CCDC17: variants seen among roughly 807,000 people sequenced by gnomAD.
The protein encoded by CCDC17 is coiled-coil domain-containing protein 17.
CCDC17 carries 79 observed loss-of-function variants against 68.0 expected under a neutral mutation model. That is an observed-to-expected ratio of 1.16 (90% CI 0.97 to 1.40). The LOEUF (loss-of-function observed/expected upper bound fraction) is 1.40. Ranked by LOEUF, CCDC17 falls within the 40% of genes most tolerant of loss-of-function variation. The pLI is 0.00. For synonymous variants in CCDC17, 376 were observed against 337.5 expected, an observed-to-expected ratio of 1.11 and a Z score of -1.25; for missense variants, 846 against 811.5, an observed-to-expected ratio of 1.04 and a Z score of -0.52.
At position 45,622,303 on chromosome 1, in the gene CCDC17, T is replaced by G; in HGVS notation, c.905A>C (p.Glu302Ala). ...TSGELPVVEA[E>A]NRRLEAEILA... ...GATTTCTGCCTCCAAGCGCCGGTTT[T>G]CAGCCTCCACTACTGGAAGCTCCCC... is the stretch of plus-strand genomic sequence containing the variant. Residue 302 changes from glutamate to alanine, a missense_variant, in exon 7 of 13, where the codon GAA becomes GCA. Glu to Ala is a moderately radical substitution (Grantham distance 107). Transcript: ENST00000528266. 1 of 1,612,360 alleles carries G rather than the reference T, an allele frequency of 6.2e-7. No homozygotes were observed. Among genetic ancestry groups the G allele is most frequent in the Non-Finnish European group, 8.5e-7 (1 of 1,179,298 alleles).
chr1:45,622,484 C>CCCT, intron 6 of CCDC17, 65 bp downstream of exon 6: 1 of 1,499,772 alleles, frequency 6.7e-7, no homozygotes. Context: ...CAGCCACAGG[C>CCCT]CCTCCCTCGA....
Position 45,623,019 on chromosome 1 carries a change from C to T in CCDC17, c.592G>A (p.Gly198Arg), listed in dbSNP as rs774726919. ...QEIRELQAEAGRTRGALEVLG... is the reference protein window; with the variant it reads ...QEIRELQAEARRTRGALEVLG... ...ACCTCTAGAGCTCCCCGCGTCCTCCCGGCCTCAGCTTGTAGTTCTCGAATC... is the reference window on the plus strand; with the variant it reads ...ACCTCTAGAGCTCCCCGCGTCCTCCTGGCCTCAGCTTGTAGTTCTCGAATC... The change falls in exon 4 of 13, where the codon GGG (glycine) becomes AGG (arginine). Residue 198 changes from glycine (G) to arginine (R), a missense_variant. By Grantham distance (125) the Gly-to-Arg change is moderately radical. Transcript: ENST00000528266. The T allele has an allele frequency of 6.8e-6, 11 of 1,612,812 alleles. No individual in the cohort carries two copies. Among genetic ancestry groups the T allele is most frequent in the Admixed American group, 1.7e-5 (1 of 59,918 alleles).
Position 45,621,392 on chromosome 1 carries a change from C to T in CCDC17, c.1277G>A (p.Arg426Gln), listed in dbSNP as rs756073933. The T allele has an allele frequency of 1.4e-5, 23 of 1,594,626 alleles. No individual in the cohort carries two copies. The highest frequency in any genetic ancestry group is 7.0e-5 in the Admixed American group (4 of 56,820). ...CAACGCTGTGGTCCTTCCTGTATCC[C>T]GTCCATCGCGTGCCAAGCCAGTCCT... ...QLRTGLARDGRDTGRTTALPP... is the reference protein window; with the variant it reads ...QLRTGLARDGQDTGRTTALPP... Residue 426 changes from arginine (R) to glutamine (Q), a missense_variant, in exon 10 of 13, where the codon CGG becomes CAG. Arg to Gln is a conservative substitution (Grantham distance 43). Transcript: ENST00000528266.
In CCDC17 at chr1:45,621,319, G is replaced by T; in HGVS notation, c.1350C>A (p.Gly450=). 6.3e-7 allele frequency: 1 copy of T among 1,586,932 alleles called. No homozygotes were observed. Reference sequence around the variant, plus strand: ...GCCTGCTGGCAAGGATGGCACAGTTGCCCATGGGCCCGGGAGCAGGAGGTG... The same window carrying T: ...GCCTGCTGGCAAGGATGGCACAGTTTCCCATGGGCCCGGGAGCAGGAGGTG... The part of the protein sequence containing the change: ...LPPPPAPGPM[G]NCAILASRQP... The change falls in exon 10 of 13, where the codon GGC becomes GGA. Residue 450 remains glycine, a synonymous_variant. Transcript: ENST00000528266.
chr1:45,621,170 C>CTTAG (rs1553174903), intron 10 of CCDC17, 57 bp from the exon 11 acceptor site: 1 of 1,585,152 alleles, frequency 6.3e-7, no homozygotes, highest in Non-Finnish European at 8.6e-7. Flanking sequence ...CTTTCTAGGA[C>CTTAG]TTAGCCCTTT....
Position 45,620,746 on chromosome 1 carries a change from G to T in CCDC17, c.1687C>A (p.His563Asn). 6.2e-7 allele frequency: 1 copy of T among 1,607,610 alleles called. No homozygotes were observed. Among genetic ancestry groups the T allele is most frequent in the Non-Finnish European group, 8.5e-7 (1 of 1,177,004 alleles). Residue 563 changes from histidine to asparagine, a missense_variant, in exon 12 of 13, where the codon CAT (histidine) becomes AAT (asparagine). Coordinates refer to ENST00000528266, the MANE Select transcript of CCDC17 (RefSeq NM_001114938.3). Reference sequence around the variant, plus strand: ...ACCGGAGGTGGGTACTGGTACTCATGGACACTTGCTGGATTGATCTCTGCC... The same window carrying T: ...ACCGGAGGTGGGTACTGGTACTCATTGACACTTGCTGGATTGATCTCTGCC... ...TLAEINPASVHEYQYPPPVSS... is the reference protein window; with the variant it reads ...TLAEINPASVNEYQYPPPVSS...
rs779914863 is a variant in CCDC17, at chr1:45,621,651, G to A, written c.1171C>T (p.Pro391Ser). The A allele has an allele frequency of 8.1e-6, 13 of 1,613,838 alleles. No individual in the cohort carries two copies. In the East Asian group the frequency reaches 2.5e-4, roughly 30 times the overall value. Residue 391 changes from proline (P) to serine (S), a missense_variant, in exon 9 of 13, where the codon CCC becomes TCC. Coordinates refer to ENST00000528266, the MANE Select transcript of CCDC17 (RefSeq NM_001114938.3). ...LPTSDMLGPA[P>S]YDPGAGLVIF... is the part of the protein sequence containing the mutation. ...CACGGGCCTCACCCAGGATCATAGG[G>A]TGCAGGGCCCAGCATGTCCGATGTG...
In CCDC17 at chr1:45,621,438, A is replaced by G; in HGVS notation, c.1231T>C (p.Ser411Pro). Residue 411 changes from serine to proline, a missense_variant, in exon 10 of 13, where the codon TCC (serine) becomes CCC (proline). By Grantham distance (74) the Ser-to-Pro change is moderately conservative. Transcript: ENST00000528266. ...GTCCTTAGTTGCACCCAAATCCAGGAAGCCTCAAGGCCCCGCAGGAAATCA... is the reference window on the plus strand; with the variant it reads ...GTCCTTAGTTGCACCCAAATCCAGGGAGCCTCAAGGCCCCGCAGGAAATCA... ...FYDFLRGLEA[S>P]WIWVQLRTGL... is the part of the protein sequence containing the mutation. 6.3e-7 allele frequency: 1 copy of G among 1,598,190 alleles called. No individual in the cohort carries two copies.
intron 4 of CCDC17, 52 bp downstream of exon 4, chr1:45,622,903 C>G: frequency 6.4e-7 from 1 of 1,574,724 alleles, no homozygotes. Flanking sequence ...GCCAGCCCGC[C>G]CCTCCCACCC....
chr1:45,622,899 C>T lies in CCDC17; in HGVS notation c.656+56G>A, dbSNP rs1644322685. On this transcript the variant is annotated intron_variant, in intron 4 of 12. Transcript: ENST00000528266. ...CAGAGGCCCCGGGGCTGCAGCCAGC[C>T]CGCCCCTCCCACCCCGGAGCCGCAT... is the stretch of plus-strand genomic sequence containing the variant. 1.2e-5 allele frequency: 19 copies of T among 1,572,990 alleles called. No individual in the cohort carries two copies. In the South Asian group the frequency reaches 1.5e-4, roughly 12 times the overall value.
rs1352640349 is a variant in CCDC17 at position 45,620,842 on chromosome 1, A to G, written c.1600-9T>C. 1.2e-6 allele frequency: 2 copies of G among 1,610,004 alleles called. No homozygotes were observed. Among genetic ancestry groups the G allele is most frequent in the South Asian group, 1.1e-5 (1 of 90,292 alleles). On this transcript the variant is annotated splice_polypyrimidine_tract_variant and intron_variant, in intron 11 of 12. Coordinates refer to ENST00000528266, the MANE Select transcript of CCDC17 (RefSeq NM_001114938.3). ...AGCTCAGCCTGACCTGCCTGGGGAG[A>G]GATGAAATGGTATTGCACTTGTACT...
At chr1:45,622,861 G>GACGGTA in intron 4 of CCDC17, 27 bp from the exon 5 acceptor site, 1 of 1,581,308 alleles carries the variant, frequency 6.3e-7, no homozygotes, top group Non-Finnish European at 8.6e-7. Context: ...CGCGCAGGGA[G>GACGGTA]ACGGTAACGC....
At chr1:45,621,537 CCT>C (rs1352968964) in intron 9 of CCDC17, 53 bp from the exon 10 acceptor site, 2 of 1,572,412 alleles carry the variant, frequency 1.3e-6, no homozygotes, top group East Asian at 2.3e-5. Context: ...CAACCTCCCT[CCT>C]CTCAGGCAGG....
In CCDC17 at chr1:45,621,343, T is replaced by TG. The variant is rs1644248259; in HGVS notation, c.1325dup (p.Pro443ThrfsTer33). ...TGCCCATGGGCCCGGGAGCAGGAGG[T>TG]GGGGGCAGGCAAAGGGCTGGGGGCA... On this transcript the variant is annotated frameshift_variant, in exon 10 of 13. Transcript: ENST00000528266. LOFTEE classifies it high-confidence loss of function. 6.3e-7 allele frequency: 1 copy of TG among 1,588,966 alleles called. No homozygotes were observed. Among genetic ancestry groups the TG allele is most frequent in the African/African-American group, 1.3e-5 (1 of 74,470 alleles).
chr1:45,623,268 G>A lies in CCDC17; in HGVS notation c.442C>T (p.Arg148Cys). Reference protein sequence around the residue: ...LRALFRTRARRVAEMEAQSRA... With the variant: ...LRALFRTRARCVAEMEAQSRA... ...CTCTGCGCTTCCATCTCCGCCACGC[G>A]CCTCGCGCGAGTCCTGAACAGCGCC... is the stretch of plus-strand genomic sequence containing the variant. The change falls in exon 3 of 13, where the codon CGC becomes TGC. Residue 148 changes from arginine to cysteine, a missense_variant. By Grantham distance (180) the Arg-to-Cys change is radical (BLOSUM62 -3). Transcript: ENST00000528266. 1.3e-6 allele frequency: 2 copies of A among 1,546,668 alleles called. No individual in the cohort carries two copies. The highest frequency in any genetic ancestry group is 2.4e-5 in the East Asian group (1 of 40,906).
Position 45,624,035 on chromosome 1 carries a change from C to T in CCDC17, c.-126G>A. 2 of 677,468 alleles carry T rather than the reference C, an allele frequency of 3.0e-6. No homozygotes were observed. The highest frequency in any genetic ancestry group is 4.6e-5 in the South Asian group (2 of 43,918). 42.0% of individuals were successfully genotyped at this position (677,468 alleles called of 1,614,324 possible). Reference sequence around the variant, plus strand: ...AGAGGAAAGGCCGTGTCTATTAGGTCTGTGAGATCTTCAAGTTTGTTTGGG... The same window carrying T: ...AGAGGAAAGGCCGTGTCTATTAGGTTTGTGAGATCTTCAAGTTTGTTTGGG... On this transcript the variant is annotated 5_prime_UTR_variant, in exon 1 of 13. Coordinates refer to ENST00000528266, the MANE Select transcript of CCDC17 (RefSeq NM_001114938.3).
intron 7 of CCDC17, 64 bp from the exon 8 acceptor site, chr1:45,622,059 CT>C: frequency 6.7e-7 from 1 of 1,493,638 alleles, no homozygotes. Flanking sequence ...TGAGATACCC[CT>C]CCCCCAAGAG....
rs1365938180 is a variant in CCDC17, at chr1:45,621,027, G to A, written c.1475C>T (p.Ala492Val). 17 of 1,613,976 alleles carry A rather than the reference G, an allele frequency of 1.1e-5. No individual in the cohort carries two copies. Among genetic ancestry groups the A allele is most frequent in the Non-Finnish European group, 1.3e-5 (15 of 1,179,876 alleles). ...LAWARAPQPK[A>V]WVSLGLFDQD... ...GTCAAATAGTCCAAGTGAGACCCAA[G>A]CCTTTGGCTGTGGTGCCCTAGCCCA... Residue 492 changes from alanine to valine, a missense_variant, in exon 11 of 13, where the codon GCT becomes GTT. By Grantham distance (64) the Ala-to-Val change is moderately conservative. Transcript: ENST00000528266.
chr1:45,623,347 C>T lies in CCDC17; in HGVS notation c.363G>A (p.Ala121=). The T allele has an allele frequency of 6.4e-7, 1 of 1,550,662 alleles. No individual in the cohort carries two copies. Among genetic ancestry groups the T allele is most frequent in the Non-Finnish European group, 8.7e-7 (1 of 1,146,984 alleles). Reference sequence around the variant, plus strand: ...CCTCGGACATGGGACTCTGAGGCCGCGCCTCGGAACGTGTCCAGGGCCCCG... The same window carrying T: ...CCTCGGACATGGGACTCTGAGGCCGTGCCTCGGAACGTGTCCAGGGCCCCG... ...VFAGPWTRSE[A]RPQSPMSEAV... Residue 121 remains alanine (A), a synonymous_variant, in exon 3 of 13, where the codon GCG becomes GCA. Coordinates refer to ENST00000528266, the MANE Select transcript of CCDC17 (RefSeq NM_001114938.3).
Sources: allele counts gnomAD v4.1 joint callset, GRCh38; gene constraint gnomAD v4.1.1; transcripts MANE v1.5; gene names NCBI Gene and HGNC (gene_info 2026-07-23, HGNC 2026-07-21).